Variants in PHTF2 observed in about 807,000 individuals in gnomAD.
PHTF2 encodes protein PHTF2.
A neutral mutation model predicts 101.2 loss-of-function variants in PHTF2; 60 were observed. The observed-to-expected ratio is 0.59, with a 90% CI of 0.48 to 0.73. The LOEUF is 0.73. Among genes scored for constraint, PHTF2 ranks in the 30% least tolerant of loss-of-function variants. The pLI is 0.00. For missense variants in PHTF2, 747 were observed against 908.7 expected (o/e 0.82, Z 2.29); for synonymous variants, 311 against 307.3 (o/e 1.01, Z -0.13).
At chr7:77,908,441 G>T (rs1802064251) in intron 7 of PHTF2, among the ~76,000 whole-genome samples, 1 of 152,100 alleles carries the variant, frequency 6.6e-6, no homozygotes, top group Admixed American at 6.5e-5. Context: ...TTCTTTATTT[G>T]TAAAACAAAG....
At chr7:77,857,091 A>C (rs1037194520) in intron 3 of PHTF2, among the ~76,000 whole-genome samples, 2 of 152,170 alleles carry the variant, frequency 1.3e-5, no homozygotes, top group African/African-American at 4.8e-5. Context: ...AAGGCCAGAG[A>C]TGGTTCTTCA....
At chr7:77,892,006 G>T (rs973948983) in intron 3 of PHTF2, among the ~76,000 whole-genome samples, 3 of 152,234 alleles carry the variant, frequency 2.0e-5, no homozygotes, top group East Asian at 1.9e-4. Flanking sequence ...AGCCGGGTGC[G>T]TTGGCTCACG....
intron 1 of PHTF2, among the ~76,000 whole-genome samples, chr7:77,838,050 A>G (rs1373232163): frequency 1.3e-5 from 2 of 152,172 alleles, no homozygotes; most frequent in Non-Finnish European, 2.9e-5. Flanking sequence ...ACCATTTTTC[A>G]TAGTTTGCTT....
intron 7 of PHTF2, 72 bp downstream of exon 6, chr7:77,901,992 A>C: frequency 1.3e-6 from 1 of 763,488 alleles, no homozygotes; most frequent in Non-Finnish European, 2.0e-6. Context: ...CTTTGTTTTA[A>C]ACATATGCTA....
At chr7:77,951,223 G>C (rs1187030451) in intron 17 of PHTF2, among the ~76,000 whole-genome samples, 3 of 152,128 alleles carry the variant, frequency 2.0e-5, no homozygotes, top group Non-Finnish European at 4.4e-5. Context: ...AGGATCACTT[G>C]AATCCAGGAT....
chr7:77,853,000 G>A (rs1358058929), intron 2 of PHTF2, among the ~76,000 whole-genome samples: 3 of 152,084 alleles, frequency 2.0e-5, no homozygotes, highest in South Asian at 4.1e-4. Flanking sequence ...CCAGTTTTAG[G>A]CTCCTTTCTT....
At chr7:77,899,837 C>T (rs900572684) in intron 5 of PHTF2, among the ~76,000 whole-genome samples, 1 of 152,172 alleles carries the variant, frequency 6.6e-6, no homozygotes, top group African/African-American at 2.4e-5. Context: ...TGTGTCATCT[C>T]GCAGTAATTG....
chr7:77,876,330 T>A (rs1798941569), intron 3 of PHTF2, among the ~76,000 whole-genome samples: 1 of 152,206 alleles, frequency 6.6e-6, no homozygotes, highest in African/African-American at 2.4e-5. Context: ...TTTAGTCTAT[T>A]AGAAGTCTTG....
chr7:77,867,110 T>C (rs1798131092), intron 3 of PHTF2, among the ~76,000 whole-genome samples: 1 of 152,250 alleles, frequency 6.6e-6, no homozygotes, highest in Non-Finnish European at 1.5e-5. Context: ...ATACTAATTA[T>C]TTTACATGTT....
In PHTF2 at chr7:77,879,601, G is replaced by A. The variant is rs184351027; in HGVS notation, c.148-14007G>A. ...AATGTTTTTGTTTTCCTGGGTAATT[G>A]GCATATTTTAGCATTTTGGCTCTTT... On this transcript the variant is annotated intron_variant, in intron 3 of 19. Coordinates refer to ENST00000416283, the Ensembl canonical transcript of PHTF2. 2.3e-3 allele frequency among the ~76,000 whole-genome samples: 343 copies of A among 152,156 alleles called. 6 individuals are homozygous for A. Among genetic ancestry groups the A allele is most frequent in the Admixed American group, 0.02 (310 of 15,288 alleles).
intron 2 of PHTF2, among the ~76,000 whole-genome samples, chr7:77,841,390 T>C (rs1024655886): frequency 1.3e-5 from 2 of 152,118 alleles, no homozygotes; most frequent in Admixed American, 6.5e-5. Context: ...AAACAGATGA[T>C]TTTTAAGTTT....
At chr7:77,833,103 G>C (rs532605517) in intron 1 of PHTF2, among the ~76,000 whole-genome samples, 11 of 152,250 alleles carry the variant, frequency 7.2e-5, no homozygotes, top group African/African-American at 2.4e-4. Context: ...GCAAAGCCTT[G>C]GATAAAGGGA....
intron 1 of PHTF2, among the ~76,000 whole-genome samples, chr7:77,834,838 A>G (rs1024755892): frequency 2.0e-5 from 3 of 152,208 alleles, no homozygotes; most frequent in African/African-American, 7.2e-5. Context: ...GAATGTTGCC[A>G]CATTTTTTCC....
chr7:77,868,435 C>T (rs1236285419), intron 3 of PHTF2, among the ~76,000 whole-genome samples: 1 of 141,752 alleles, frequency 7.1e-6, no homozygotes, highest in Non-Finnish European at 1.5e-5. Context: ...TTCCAGAGTG[C>T]TGGGACTACA....
intron 16 of PHTF2, among the ~76,000 whole-genome samples, chr7:77,943,665 G>A (rs1208454108): frequency 6.6e-6 from 1 of 152,058 alleles, no homozygotes; most frequent in Non-Finnish European, 1.5e-5. Flanking sequence ...TAAAATATAT[G>A]CAAACCTCCA....
intron 1 of PHTF2, among the ~76,000 whole-genome samples, chr7:77,834,457 A>C (rs1342346607): frequency 6.6e-6 from 1 of 152,234 alleles, no homozygotes; most frequent in Non-Finnish European, 1.5e-5. Flanking sequence ...ACATGAAGAT[A>C]AATGAGTGAG....
chr7:77,815,034 G>A (rs896471911), intron 1 of PHTF2, among the ~76,000 whole-genome samples: 19 of 151,856 alleles, frequency 1.3e-4, no homozygotes, highest in East Asian at 5.9e-4. Flanking sequence ...CTGATATCAC[G>A]CCCCTGCAGT....
At chr7:77,955,023 A>G (rs1238632917) in exon 20 of PHTF2, 5 of 394,886 alleles carry the variant, frequency 1.3e-5, no homozygotes, top group East Asian at 3.9e-5. Flanking sequence ...TGCAATTCTT[A>G]TATTTATTTT....
intron 2 of PHTF2, among the ~76,000 whole-genome samples, chr7:77,850,360 C>CAAAAA (rs71082789): frequency 0.14 from 6,030 of 44,286 alleles, 753 homozygotes; most frequent in Middle Eastern, 0.21. Context: ...GACCTTGTCT[C>CAAAAA]AAAAAAAAAA....
Sources: gnomAD v4.1 joint callset for allele counts (sites outside exome capture counted in the v4.1 genomes callset) on GRCh38, gnomAD v4.1.1 for gene constraint, MANE v1.5 for transcripts, NCBI Gene and HGNC (gene_info 2026-07-23, HGNC 2026-07-21) for gene names.